The following SLC30A9 variants were observed in gnomAD, a reference collection of about 807,000 sequenced individuals.
SLC30A9 encodes the protein proton-coupled zinc antiporter SLC30A9, mitochondrial.
In SLC30A9, 58 loss-of-function variants were observed where a neutral mutation model predicts 87.5. The observed-to-expected ratio is 0.66, with a 90% CI of 0.54 to 0.82. The LOEUF (loss-of-function observed/expected upper bound fraction) is 0.82, where lower values mean the gene tolerates loss of function less well. SLC30A9 is among the 40% of genes least tolerant of loss of function. The pLI is 0.00. For missense variants in SLC30A9, 557 were observed against 679.1 expected, an observed-to-expected ratio of 0.82 and a Z score of 2.00; for synonymous variants, 234 against 233.0, an observed-to-expected ratio of 1.00 and a Z score of -0.04.
At chr4:42,051,103 G>A (rs1344511643) in intron 9 of SLC30A9, among the ~76,000 whole-genome samples, 2 of 152,154 alleles carry the variant, frequency 1.3e-5, no homozygotes, top group African/African-American at 4.8e-5. Flanking sequence ...CTCACACAAA[G>A]CTAGGTTACA....
In SLC30A9 at chr4:42,068,471, G is replaced by T. The variant is rs563937269; in HGVS notation, c.1252+1279G>T. Among the ~76,000 whole-genome samples, 21 of 151,830 alleles carry T rather than the reference G, an allele frequency of 1.4e-4. No individual in the cohort carries two copies. In the South Asian group the frequency reaches 4.2e-3, roughly 30 times the overall value. ...TTGGTCAGGCTGATCTCAAACTCCC[G>T]ACCTCGGGGGTGATCCTCCCACCTT... On this transcript the variant is annotated intron_variant, in intron 14 of 17. Transcript: ENST00000264451.
rs925474012 is a variant in SLC30A9, at chr4:42,090,310, T to G, written c.*4184T>G. Reference sequence around the variant, plus strand: ...CTTTATATTTGCATGTAAGTTTACTTGCATCCTTAGACTTGGCTTTATGCA... The same window carrying G: ...CTTTATATTTGCATGTAAGTTTACTGGCATCCTTAGACTTGGCTTTATGCA... On this transcript the variant is annotated 3_prime_UTR_variant, in exon 18 of 18. Transcript: ENST00000264451. The G allele has an allele frequency of 6.6e-6, 1 of 152,214 alleles. No individual in the cohort carries two copies. Among genetic ancestry groups the G allele is most frequent in the East Asian group, 1.9e-4 (1 of 5,202 alleles). 9.4% of individuals were successfully genotyped at this position (152,214 alleles called of 1,614,324 possible). A position where few individuals can be genotyped will look rare whatever the true frequency, so the allele number is the denominator to read the frequency against.
rs1014894893 is a variant in SLC30A9, at chr4:42,023,221, C to T, written c.528-81C>T. Reference sequence around the variant, plus strand: ...ACCTTACACTTTGTTGTAAGATTCTCATTAGAGAATTTAGATTTAAATGTG... The same window carrying T: ...ACCTTACACTTTGTTGTAAGATTCTTATTAGAGAATTTAGATTTAAATGTG... On this transcript the variant is annotated intron_variant, in intron 5 of 17. Transcript: ENST00000264451. The T allele has an allele frequency of 1.5e-4, 145 of 971,882 alleles. No homozygotes were observed. The Admixed American group carries it at 2.6e-3, about 18-fold the overall frequency. The allele number at this position is 971,882 out of a possible 1,614,324, so 60.2% of individuals were successfully genotyped here. A position where few individuals can be genotyped will look rare whatever the true frequency, so the allele number is the denominator to read the frequency against.
intron 1 of SLC30A9, among the ~76,000 whole-genome samples, chr4:41,992,142 C>A (rs1230109072): frequency 6.6e-6 from 1 of 151,580 alleles, no homozygotes. Flanking sequence ...CCCAGGAGTT[C>A]CAAGACCAGC....
At chr4:42,040,024 A>T (rs548229466) in intron 8 of SLC30A9, among the ~76,000 whole-genome samples, 1 of 152,258 alleles carries the variant, frequency 6.6e-6, no homozygotes, top group Non-Finnish European at 1.5e-5. Flanking sequence ...TAATGCTGTC[A>T]TAACTACAAT....
intron 3 of SLC30A9, among the ~76,000 whole-genome samples, chr4:42,019,273 C>CT (rs1715842871): frequency 6.6e-6 from 1 of 151,840 alleles, no homozygotes; most frequent in Admixed American, 6.6e-5. Context: ...TTATTTTGCT[C>CT]TTGCACTTCA....
At chr4:42,042,231 G>A (rs1716951575) in intron 8 of SLC30A9, among the ~76,000 whole-genome samples, 1 of 152,122 alleles carries the variant, frequency 6.6e-6, no homozygotes, top group African/African-American at 2.4e-5. Flanking sequence ...CCTTGGAAAG[G>A]GGGCTGAAAC....
chr4:42,040,437 A>G (rs1347694705), intron 8 of SLC30A9, among the ~76,000 whole-genome samples: 4 of 152,108 alleles, frequency 2.6e-5, no homozygotes, highest in Admixed American at 2.6e-4. Context: ...TAGTATATAG[A>G]TGATAACTAA....
At chr4:42,077,512 A>G (rs374828112) in intron 16 of SLC30A9, among the ~76,000 whole-genome samples, 9 of 152,100 alleles carry the variant, frequency 5.9e-5, no homozygotes, top group African/African-American at 2.2e-4. Flanking sequence ...TCAAGCAATT[A>G]TCTACCTCAG....
intron 16 of SLC30A9, among the ~76,000 whole-genome samples, chr4:42,076,092 C>G (rs960029105): frequency 6.6e-5 from 10 of 151,936 alleles, no homozygotes; most frequent in African/African-American, 2.4e-4. Flanking sequence ...AATTGAAAGA[C>G]AGAGATTAAG....
intron 8 of SLC30A9, among the ~76,000 whole-genome samples, chr4:42,039,627 T>C (rs536063591): frequency 3.3e-5 from 5 of 152,194 alleles, no homozygotes; most frequent in African/African-American, 1.2e-4. Context: ...CATGCCCAGC[T>C]AATTTTTGTA....
Position 42,038,999 on chromosome 4 carries a change from C to G in SLC30A9, c.683C>G (p.Thr228Arg), listed in dbSNP as rs201359194. The G allele has an allele frequency of 1.9e-6, 3 of 1,613,612 alleles. No individual in the cohort carries two copies. The highest frequency in any genetic ancestry group is 2.5e-6 in the Non-Finnish European group (3 of 1,179,656). ...GTTTTTTTACAGCCACGCTCCAGAACAGCATCAGTGTTTTTTAAGGGACCA... is the reference window on the plus strand; with the variant it reads ...GTTTTTTTACAGCCACGCTCCAGAAGAGCATCAGTGTTTTTTAAGGGACCA... ...FLGNTKPRSR[T>R]ASVFFKGPGK... is the part of the protein sequence containing the mutation. Residue 228 changes from threonine (T) to arginine (R), a missense_variant, in exon 8 of 18, where the codon ACA becomes AGA. Transcript: ENST00000264451.
At chr4:42,007,620 G>A (rs1715268890) in intron 2 of SLC30A9, among the ~76,000 whole-genome samples, 1 of 151,850 alleles carries the variant, frequency 6.6e-6, no homozygotes, top group Non-Finnish European at 1.5e-5. Context: ...AGCCGGGCAT[G>A]GTGGCACGCA....
At chr4:42,000,430 A>C (rs1352935452) in intron 1 of SLC30A9, among the ~76,000 whole-genome samples, 4 of 152,058 alleles carry the variant, frequency 2.6e-5, no homozygotes, top group Non-Finnish European at 1.5e-5. Context: ...ATGTGTAGGA[A>C]TCTTCTGCTG....
intron 6 of SLC30A9, among the ~76,000 whole-genome samples, chr4:42,032,141 A>G (rs2153136662): frequency 6.6e-6 from 1 of 152,308 alleles, no homozygotes; most frequent in African/African-American, 2.4e-5. Context: ...CGAACTCACC[A>G]GTCGTGAGGA....
intron 1 of SLC30A9, among the ~76,000 whole-genome samples, chr4:41,996,111 T>G (rs1053715123): frequency 2.6e-5 from 4 of 152,072 alleles, no homozygotes; most frequent in African/African-American, 9.7e-5. Flanking sequence ...TGTGGTTTTT[T>G]TTGAGATGGA....
rs1718851597 is a variant in SLC30A9 at position 42,084,533 on chromosome 4, A to G, written c.1663-1549A>G. 2.0e-5 allele frequency among the ~76,000 whole-genome samples: 3 copies of G among 151,848 alleles called. No individual in the cohort carries two copies. The South Asian group carries it at 6.2e-4, about 31-fold the overall frequency. On this transcript the variant is annotated intron_variant, in intron 17 of 17. Coordinates refer to ENST00000264451, the MANE Select transcript of SLC30A9 (RefSeq NM_006345.4). ...TGTCGCCAGGCTGGAGTGCAGTGGCACAATCCCGGCTCACTGCAACCTCTG... is the reference window on the plus strand; with the variant it reads ...TGTCGCCAGGCTGGAGTGCAGTGGCGCAATCCCGGCTCACTGCAACCTCTG...
intron 7 of SLC30A9, among the ~76,000 whole-genome samples, chr4:42,036,860 G>A (rs1280595961): frequency 3.9e-5 from 6 of 152,080 alleles, no homozygotes; most frequent in Admixed American, 3.9e-4. Context: ...ATGCCTCAAG[G>A]GCTATTGCCA....
intron 6 of SLC30A9, 66 bp downstream of exon 6, chr4:42,023,450 A>G: frequency 9.6e-7 from 1 of 1,045,706 alleles, no homozygotes; most frequent in Non-Finnish European, 1.5e-6. Context: ...CTGTATCTGT[A>G]AGAACTCTCT....
Sources: allele counts gnomAD v4.1 joint callset (sites outside exome capture counted in the v4.1 genomes callset), GRCh38; gene constraint gnomAD v4.1.1; transcripts MANE v1.5; gene names NCBI Gene and HGNC (gene_info 2026-07-23, HGNC 2026-07-21).